SPAG11B: variants seen among roughly 807,000 people sequenced by gnomAD.
SPAG11B encodes the protein sperm-associated antigen 11B.
In SPAG11B, 5 loss-of-function variants were observed where a neutral mutation model predicts 8.9. The ratio of observed to expected loss-of-function variants is 0.56; its 90% CI spans 0.29 to 1.19. The LOEUF (loss-of-function observed/expected upper bound fraction) is 1.19, where lower values mean the gene tolerates loss of function less well. SPAG11B is among the 50% of genes most tolerant of loss of function. The pLI, the probability that SPAG11B is intolerant of heterozygous loss-of-function variation, is 0.08. For missense variants in SPAG11B, 38 were observed against 146.4 expected (o/e 0.26, Z 3.82); for synonymous variants, 12 against 53.0 (o/e 0.23, Z 3.36).
At chr8:7,449,507 A>G (rs902239095), downstream of SPAG11B, among the ~76,000 whole-genome samples, 1 of 150,290 alleles carries the variant, frequency 6.7e-6, no homozygotes, top group Non-Finnish European at 1.5e-5. Context: ...GGGATGGAAC[A>G]ATGGCTCTCC....
intron 2 of SPAG11B, among the ~76,000 whole-genome samples, chr8:7,459,029 T>C (rs1308047015): frequency 1.1e-5 from 1 of 92,306 alleles, no homozygotes. Flanking sequence ...AGAAACCTCG[T>C]CTCTACTAAA....
chr8:7,450,383 A>G (rs1810040670), downstream of SPAG11B, among the ~76,000 whole-genome samples: 2 of 145,128 alleles, frequency 1.4e-5, no homozygotes, highest in Admixed American at 1.4e-4. Flanking sequence ...GAAAGATGTC[A>G]TCAGAAGGAA....
downstream of SPAG11B, among the ~76,000 whole-genome samples, chr8:7,450,260 A>G (rs1265176448): frequency 6.9e-6 from 1 of 144,318 alleles, no homozygotes; most frequent in African/African-American, 2.7e-5. Context: ...ACACTATCCT[A>G]CTGAAATGTG....
At position 7,459,065 on chromosome 8, in the gene SPAG11B, G is replaced by A. The variant is rs1716772924; in HGVS notation, c.214+3642C>T. On this transcript the variant is annotated intron_variant, in intron 2 of 2. Transcript: ENST00000398462. ...AATACAAAATTAGCCGGGCATGGTG[G>A]TAGACACCTGTAATCCCAGCTACTT... is the stretch of plus-strand genomic sequence containing the variant. Among the ~76,000 whole-genome samples, 2 of 92,722 alleles carry A rather than the reference G, an allele frequency of 2.2e-5. 1 individual carries two copies. Among genetic ancestry groups the A allele is most frequent in the Admixed American group, 2.2e-4 (2 of 9,182 alleles). 60.8% of individuals were successfully genotyped at this position (92,722 alleles called of 152,430 possible). A position where few individuals can be genotyped will look rare whatever the true frequency, so the allele number is the denominator to read the frequency against.
chr8:7,453,968 G>A (rs1257748988), intron 2 of SPAG11B, among the ~76,000 whole-genome samples: 2 of 145,944 alleles, frequency 1.4e-5, no homozygotes, highest in African/African-American at 5.3e-5. Context: ...CTAAGTAATT[G>A]TAAAATAGTT....
At chr8:7,453,870 G>C (rs1240684294) in intron 2 of SPAG11B, among the ~76,000 whole-genome samples, 2 of 149,224 alleles carry the variant, frequency 1.3e-5, no homozygotes, top group Admixed American at 6.6e-5. Context: ...TAAGACTTTA[G>C]GGAAAATTGG....
In SPAG11B at chr8:7,451,124, C is replaced by T. The variant is rs749553655; in HGVS notation, c.215-224G>A. 22 of 1,555,770 alleles carry T rather than the reference C, an allele frequency of 1.4e-5. 1 individual carries two copies. Among genetic ancestry groups the T allele is most frequent in the Non-Finnish European group, 1.9e-5 (22 of 1,140,530 alleles). On this transcript the variant is annotated intron_variant, in intron 2 of 2. Transcript: ENST00000398462. ...TAGGGTGTGTTTTATGAATGCTCACCTGGCCCATCTAGGCCCTAAAAAGTC... is the reference window on the plus strand; with the variant it reads ...TAGGGTGTGTTTTATGAATGCTCACTTGGCCCATCTAGGCCCTAAAAAGTC...
chr8:7,453,650 C>G (rs1210018931), intron 2 of SPAG11B, among the ~76,000 whole-genome samples: 1 of 150,230 alleles, frequency 6.7e-6, no homozygotes, highest in African/African-American at 2.5e-5. Flanking sequence ...CACCATGAGT[C>G]TTACCTAGAC....
intron 1 of SPAG11B, 47 bp from the exon 2 acceptor site, chr8:7,462,906 C>A: frequency 6.2e-7 from 1 of 1,613,692 alleles, no homozygotes; most frequent in Non-Finnish European, 8.5e-7. Context: ...AGGCCTCCGC[C>A]TGGCAGACCC....
intron 2 of SPAG11B, among the ~76,000 whole-genome samples, chr8:7,459,173 GCA>G (rs1171076827): frequency 2.1e-5 from 1 of 48,504 alleles, no homozygotes; most frequent in African/African-American, 1.7e-4. Context: ...AGCCAAAATC[GCA>G]CCATTGCACT....
intron 2 of SPAG11B, among the ~76,000 whole-genome samples, chr8:7,452,628 C>A (rs1585505678): frequency 3.7e-5 from 1 of 27,260 alleles, no homozygotes; most frequent in Non-Finnish European, 7.5e-5. Context: ...TAGTGCCAAG[C>A]CCTGTGCTAG....
At chr8:7,450,459 C>T, downstream of SPAG11B, 1 of 813,374 alleles carries the variant, frequency 1.2e-6, no homozygotes, top group East Asian at 2.9e-5. Context: ...GGTTTCTAGT[C>T]AGTTCCCATC....
chr8:7,450,092 G>A (rs1810025438), downstream of SPAG11B, among the ~76,000 whole-genome samples: 1 of 126,102 alleles, frequency 7.9e-6, no homozygotes, highest in Admixed American at 8.5e-5. Flanking sequence ...TACTGAGAAT[G>A]CCATTTATGA....
intron 2 of SPAG11B, among the ~76,000 whole-genome samples, chr8:7,451,634 G>A (rs1396385315): frequency 3.1e-5 from 4 of 129,880 alleles, no homozygotes; most frequent in African/African-American, 9.0e-5. Flanking sequence ...CAGCTTGGAG[G>A]AGACAGCAAA....
At chr8:7,450,931 T>G (rs1810102415) in intron 2 of SPAG11B, 31 bp from the exon 3 acceptor site, 1 of 1,549,886 alleles carries the variant, frequency 6.5e-7, no homozygotes, top group South Asian at 1.1e-5. Flanking sequence ...AGTTGACATT[T>G]AACTCATATA....
intron 2 of SPAG11B, among the ~76,000 whole-genome samples, chr8:7,459,560 A>AT (rs1460914438): frequency 4.0e-5 from 6 of 148,990 alleles, no homozygotes; most frequent in Non-Finnish European, 8.9e-5. Context: ...TATCCCAGAC[A>AT]TAACACCTTA....
At chr8:7,452,074 A>T (rs1237896806) in intron 2 of SPAG11B, among the ~76,000 whole-genome samples, 1 of 110,814 alleles carries the variant, frequency 9.0e-6, no homozygotes, top group Non-Finnish European at 1.8e-5. Flanking sequence ...CAAGACCTTT[A>T]TAACACTTAT....
chr8:7,453,515 C>G (rs1466404607), intron 2 of SPAG11B, among the ~76,000 whole-genome samples: 7 of 147,500 alleles, frequency 4.7e-5, no homozygotes, highest in Non-Finnish European at 8.9e-5. Flanking sequence ...CTCTAGATAT[C>G]ATTCTGGACT....
chr8:7,459,815 GGCAGGT>G (rs1810674716), intron 2 of SPAG11B, among the ~76,000 whole-genome samples: 1 of 111,444 alleles, frequency 9.0e-6, no homozygotes, highest in Admixed American at 9.1e-5. Context: ...GGCCAGAGCA[GGCAGGT>G]AAATGCCCAC....
Sources: allele counts gnomAD v4.1 joint callset (sites outside exome capture counted in the v4.1 genomes callset), GRCh38; gene constraint gnomAD v4.1.1; transcripts MANE v1.5; gene names NCBI Gene and HGNC (gene_info 2026-07-23, HGNC 2026-07-21).